SPIDR: variants seen among roughly 807,000 people sequenced by gnomAD.
SPIDR encodes the protein scaffold protein involved in DNA repair.
SPIDR carries 93 observed loss-of-function variants against 104.6 expected under a neutral mutation model. The ratio of observed to expected loss-of-function variants is 0.89; its 90% CI spans 0.75 to 1.06. The LOEUF is 1.06. Among genes scored for constraint, SPIDR ranks in the 50% least tolerant of loss-of-function variants. The probability of loss-of-function intolerance (pLI) is 0.00; values close to 1 mark genes in which losing one functional copy is unlikely to be tolerated. For synonymous variants in SPIDR, 431 were observed against 416.9 expected, an observed-to-expected ratio of 1.03 and a Z score of -0.41; for missense variants, 1,154 against 1,111.2, an observed-to-expected ratio of 1.04 and a Z score of -0.55.
At chr8:47,363,677 T>C (rs986186425) in intron 5 of SPIDR, among the ~76,000 whole-genome samples, 4 of 151,930 alleles carry the variant, frequency 2.6e-5, no homozygotes, top group Non-Finnish European at 4.4e-5. Context: ...GTTATCGAAA[T>C]GATATTTTAA....
At position 47,371,467 on chromosome 8, in the gene SPIDR, G is replaced by C. The variant is rs188210380; in HGVS notation, c.526-24909G>C. 2.6e-3 allele frequency among the ~76,000 whole-genome samples: 393 copies of C among 152,260 alleles called. 3 individuals are homozygous for C. Among genetic ancestry groups the C allele is most frequent in the Admixed American group, 4.8e-3 (74 of 15,294 alleles). ...CTGGAAGTCAGAGCTCAGGGTGCCA[G>C]CATGGTCTGGTTCTGGTGAGGGCCC... On this transcript the variant is annotated intron_variant, in intron 5 of 19. Coordinates refer to ENST00000297423, the MANE Select transcript of SPIDR (RefSeq NM_001080394.4).
intron 8 of SPIDR, among the ~76,000 whole-genome samples, chr8:47,519,556 G>A (rs1047848143): frequency 2.0e-5 from 3 of 152,164 alleles, no homozygotes; most frequent in African/African-American, 7.2e-5. Flanking sequence ...AGTAAGGAGG[G>A]AAGATCACTT....
intron 19 of SPIDR, chr8:47,732,012 C>T (rs1238648377): frequency 7.9e-6 from 5 of 636,756 alleles, no homozygotes; most frequent in African/African-American, 1.8e-5. Flanking sequence ...CTCCATGCTA[C>T]TCAGAAGGGT....
rs2085891198 is a variant in SPIDR, at chr8:47,530,974, A to T, written c.1098-64837A>T. Among the ~76,000 whole-genome samples the T allele has an allele frequency of 2.0e-5, 3 of 151,876 alleles. No individual in the cohort carries two copies. In the South Asian group the frequency reaches 6.2e-4, roughly 32 times the overall value. ...CCCCCAGACTGGAGTGCAGTGGCGC[A>T]GTCATGGCTTACTGCAGCCTCAAAC... On this transcript the variant is annotated intron_variant, in intron 8 of 19. Transcript: ENST00000297423.
chr8:47,339,249 C>CT (rs1554612026), intron 5 of SPIDR, among the ~76,000 whole-genome samples: 1 of 152,138 alleles, frequency 6.6e-6, no homozygotes, highest in African/African-American at 2.4e-5. Flanking sequence ...CTAGGTTGTG[C>CT]TTTGATAAGA....
intron 16 of SPIDR, among the ~76,000 whole-genome samples, chr8:47,725,683 C>T (rs777918033): frequency 6.6e-6 from 1 of 152,210 alleles, no homozygotes; most frequent in Non-Finnish European, 1.5e-5. Flanking sequence ...AGCCACTGTG[C>T]CCAACCTTAA....
chr8:47,699,942 C>T (rs1311902916), intron 11 of SPIDR, among the ~76,000 whole-genome samples: 4 of 152,210 alleles, frequency 2.6e-5, no homozygotes, highest in African/African-American at 9.7e-5. Context: ...TAAATATCAC[C>T]TCCAAACTCT....
At chr8:47,417,495 T>A (rs1245892054) in intron 7 of SPIDR, among the ~76,000 whole-genome samples, 1 of 152,246 alleles carries the variant, frequency 6.6e-6, no homozygotes, top group African/African-American at 2.4e-5. Flanking sequence ...GTAAATTTGT[T>A]TGAGTTCATT....
chr8:47,405,124 T>C (rs780863806), intron 6 of SPIDR, among the ~76,000 whole-genome samples: 7 of 152,068 alleles, frequency 4.6e-5, no homozygotes, highest in Non-Finnish European at 1.0e-4. Flanking sequence ...AGACACCGCA[T>C]GTTCTCACTC....
intron 1 of SPIDR, among the ~76,000 whole-genome samples, chr8:47,267,759 T>C (rs903961911): frequency 6.6e-6 from 1 of 152,252 alleles, no homozygotes; most frequent in Non-Finnish European, 1.5e-5. Context: ...CCCTATAAGA[T>C]GTATGATTGC....
At chr8:47,478,040 A>AGGTAT (rs1328995843) in intron 8 of SPIDR, among the ~76,000 whole-genome samples, 3 of 152,190 alleles carry the variant, frequency 2.0e-5, no homozygotes, top group Admixed American at 6.5e-5. Flanking sequence ...CTAGAGTTGA[A>AGGTAT]GGTTGAAGCT....
chr8:47,720,367 A>G (rs904762869), intron 16 of SPIDR, among the ~76,000 whole-genome samples: 5 of 152,230 alleles, frequency 3.3e-5, no homozygotes, highest in African/African-American at 4.8e-5. Flanking sequence ...TTGCTGGATC[A>G]TATGTTTAGT....
intron 3 of SPIDR, 25 bp downstream of exon 3, chr8:47,284,119 CAG>C: frequency 6.4e-7 from 1 of 1,565,324 alleles, no homozygotes; most frequent in Non-Finnish European, 8.7e-7. Flanking sequence ...GATTTCTTGA[CAG>C]AGAAGATATA....
intron 8 of SPIDR, among the ~76,000 whole-genome samples, chr8:47,543,553 G>A (rs1223967522): frequency 6.6e-6 from 1 of 152,082 alleles, no homozygotes; most frequent in East Asian, 1.9e-4. Flanking sequence ...CCTAACACAG[G>A]TATTTATGCC....
intron 7 of SPIDR, among the ~76,000 whole-genome samples, chr8:47,416,549 C>A (rs1429219425): frequency 6.6e-6 from 1 of 151,768 alleles, no homozygotes; most frequent in Non-Finnish European, 1.5e-5. Flanking sequence ...ATCAAGATTG[C>A]GATTGTCAGG....
intron 5 of SPIDR, among the ~76,000 whole-genome samples, chr8:47,368,340 A>G (rs1462669920): frequency 4.2e-5 from 5 of 118,262 alleles, no homozygotes; most frequent in Non-Finnish European, 8.6e-5. Flanking sequence ...GGAGTTGAGA[A>G]GTCAAAAAAA....
intron 5 of SPIDR, among the ~76,000 whole-genome samples, chr8:47,389,277 A>G (rs2060290590): frequency 6.6e-6 from 1 of 152,228 alleles, no homozygotes; most frequent in African/African-American, 2.4e-5. Context: ...TACCTTTGCA[A>G]AAATAGGAAA....
intron 8 of SPIDR, among the ~76,000 whole-genome samples, chr8:47,473,835 A>G (rs1047297104): frequency 9.8e-5 from 15 of 152,294 alleles, no homozygotes; most frequent in African/African-American, 1.9e-4. Flanking sequence ...GGGAATTTGT[A>G]TGCTAGTATT....
chr8:47,365,298 T>C (rs1391375802), intron 5 of SPIDR, among the ~76,000 whole-genome samples: 1 of 152,146 alleles, frequency 6.6e-6, no homozygotes, highest in Admixed American at 6.6e-5. Flanking sequence ...CATTTACCTT[T>C]CCCTATCGGC....
Sources: allele counts gnomAD v4.1 joint callset (sites outside exome capture counted in the v4.1 genomes callset), GRCh38; gene constraint gnomAD v4.1.1; transcripts MANE v1.5; gene names NCBI Gene and HGNC (gene_info 2026-07-23, HGNC 2026-07-21).